Variants in FAM20C observed in about 807,000 individuals in gnomAD.
The protein encoded by FAM20C is extracellular serine/threonine protein kinase FAM20C.
Under a neutral mutation model 51.5 loss-of-function variants are expected in FAM20C, and 40 were observed. The ratio of observed to expected loss-of-function variants is 0.78; its 90% CI spans 0.60 to 1.01. FAM20C has a LOEUF of 1.01. FAM20C is among the 50% of genes least tolerant of loss of function. The probability of loss-of-function intolerance (pLI) is 0.00; values close to 1 mark genes in which losing one functional copy is unlikely to be tolerated. For missense variants in FAM20C, 861 were observed against 844.7 expected, an observed-to-expected ratio of 1.02 and a Z score of -0.24; for synonymous variants, 406 against 380.6, an observed-to-expected ratio of 1.07 and a Z score of -0.78.
intron 3 of FAM20C, among the ~76,000 whole-genome samples, chr7:219,553 C>T (rs1210463503): frequency 6.6e-6 from 1 of 152,164 alleles, no homozygotes; most frequent in Non-Finnish European, 1.5e-5. Flanking sequence ...GGAGGTGCCT[C>T]GGCTGTGGCT....
chr7:209,006 T>A (rs780806580), intron 3 of FAM20C, 30 bp downstream of exon 3: 145 of 1,561,018 alleles, frequency 9.3e-5, no homozygotes, highest in Non-Finnish European at 1.2e-4. Flanking sequence ...GGCTGGGGCG[T>A]GAGGAGCTGG....
chr7:195,417 A>T, intron 1 of FAM20C, 137 bp from the exon 2 acceptor site: 1 of 765,652 alleles, frequency 1.3e-6, no homozygotes, highest in African/African-American at 1.8e-5. Flanking sequence ...GGCCCTCTTT[A>T]AGCAGAGGCG....
intron 5 of FAM20C, among the ~76,000 whole-genome samples, chr7:249,173 C>T (rs527303617): frequency 6.7e-4 from 102 of 152,370 alleles, no homozygotes; most frequent in African/African-American, 2.3e-3. Flanking sequence ...CCTCCCCACT[C>T]GGACTTAAAC....
At position 193,321 on chromosome 7, in the gene FAM20C, C is replaced by A; in HGVS notation, c.122C>A (p.Ser41Ter). ...CTGGAGCGACGCGGCGCGCGGCCCTCGGGGGAGCCCGGCTGTTCGTGCGCG... is the reference window on the plus strand; with the variant it reads ...CTGGAGCGACGCGGCGCGCGGCCCTAGGGGGAGCCCGGCTGTTCGTGCGCG... Reference protein sequence around the residue: ...PRLERRGARPSGEPGCSCAQP... With the variant: ...PRLERRGARP Residue 41 changes from serine to a stop codon, truncating the protein, a stop_gained, in exon 1 of 10, where the codon TCG (serine) becomes TAG (stop). Transcript: ENST00000313766. LOFTEE classifies it high-confidence loss of function. 7.2e-7 allele frequency: 1 copy of A among 1,384,818 alleles called. No homozygotes were observed. The allele number at this position is 1,384,818 out of a possible 1,614,324, so 85.8% of individuals were successfully genotyped here. A position where few individuals can be genotyped will look rare whatever the true frequency, so the allele number is the denominator to read the frequency against.
intron 3 of FAM20C, among the ~76,000 whole-genome samples, chr7:212,518 G>A (rs563810227): frequency 1.6e-4 from 24 of 152,274 alleles, no homozygotes; most frequent in Admixed American, 5.2e-4. Flanking sequence ...ATCACGGCTC[G>A]GTGAGTTCCT....
intron 3 of FAM20C, among the ~76,000 whole-genome samples, chr7:210,005 G>A (rs1786628153): frequency 6.6e-6 from 1 of 152,188 alleles, no homozygotes. Flanking sequence ...TCAGACCCGG[G>A]GCTGCCGGGA....
chr7:236,108 G>A (rs916512553), intron 3 of FAM20C, among the ~76,000 whole-genome samples: 143 of 152,172 alleles, frequency 9.4e-4, no homozygotes, highest in Middle Eastern at 6.8e-3. Flanking sequence ...GTCCCCTTCC[G>A]TGCAGAGGGT....
At chr7:247,312 G>A (rs1447897532) in intron 4 of FAM20C, among the ~76,000 whole-genome samples, 2 of 152,186 alleles carry the variant, frequency 1.3e-5, no homozygotes, top group African/African-American at 2.4e-5. Context: ...CAGGTCCAGA[G>A]GGGCCCCGTG....
chr7:237,563 A>C (rs1562388951), intron 3 of FAM20C, among the ~76,000 whole-genome samples: 1 of 152,046 alleles, frequency 6.6e-6, no homozygotes, highest in African/African-American at 2.4e-5. Context: ...GGTGATGACC[A>C]TGGTAGGAGT....
At chr7:216,510 G>T (rs1377777001) in intron 3 of FAM20C, among the ~76,000 whole-genome samples, 1 of 151,840 alleles carries the variant, frequency 6.6e-6, no homozygotes, top group Admixed American at 6.6e-5. Context: ...TCTCACTGAG[G>T]AAAGGCCAGC....
chr7:253,662 G>GCTTCCTTGTGTACTTCCC (rs1554255921), intron 5 of FAM20C, among the ~76,000 whole-genome samples: 1 of 152,070 alleles, frequency 6.6e-6, no homozygotes, highest in African/African-American at 2.4e-5. Context: ...CCGCTTCCCG[G>GCTTCCTTGTGTACTTCCC]GCGAGGGGCT....
chr7:206,724 C>A (rs1786418986), intron 2 of FAM20C, among the ~76,000 whole-genome samples: 1 of 147,734 alleles, frequency 6.8e-6, no homozygotes, highest in Non-Finnish European at 1.5e-5. Context: ...TGTCATGGTC[C>A]CCTCGGCCCC....
chr7:246,334 A>C, intron 3 of FAM20C, 81 bp from the exon 4 acceptor site: 1 of 1,181,026 alleles, frequency 8.5e-7, no homozygotes. Flanking sequence ...CATATGAGGA[A>C]CCCAGCACGT....
chr7:257,196 G>C (rs1315032469), intron 8 of FAM20C, 110 bp downstream of exon 8: 16 of 1,097,636 alleles, frequency 1.5e-5, no homozygotes, highest in Non-Finnish European at 9.1e-6. Context: ...CCAGTGGAGG[G>C]ATGGGAATGT....
At chr7:208,663 T>C (rs1161837868) in intron 2 of FAM20C, among the ~76,000 whole-genome samples, 2 of 151,796 alleles carry the variant, frequency 1.3e-5, no homozygotes, top group Non-Finnish European at 2.9e-5. Flanking sequence ...GTCAGGCCCT[T>C]GGGTCTGTGG....
Position 248,850 on chromosome 7 carries a change from C to T in FAM20C, c.1072+420C>T, listed in dbSNP as rs536058793. Among the ~76,000 whole-genome samples the T allele has an allele frequency of 1.4e-4, 21 of 152,240 alleles. No individual in the cohort carries two copies. The South Asian group carries it at 1.7e-3, about 12-fold the overall frequency. On this transcript the variant is annotated intron_variant, in intron 5 of 9. Coordinates refer to ENST00000313766, the MANE Select transcript of FAM20C (RefSeq NM_020223.4). ...CTCCACGTAGCCTGGCACGGGGGCC[C>T]GCATTCATCTCTCCAGGTAGCCTGG...
chr7:232,203 G>T (rs1426932767), intron 3 of FAM20C, among the ~76,000 whole-genome samples: 1 of 152,232 alleles, frequency 6.6e-6, no homozygotes. Flanking sequence ...ATGCTTCTTG[G>T]AAAAACCTCG....
Position 195,655 on chromosome 7 carries a change from A to T in FAM20C, c.707A>T (p.Tyr236Phe). Residue 236 changes from tyrosine (Y) to phenylalanine (F), a missense_variant, in exon 2 of 10, where the codon TAC (tyrosine) becomes TTC (phenylalanine). By Grantham distance (22) the Tyr-to-Phe change is conservative. Around this residue, in one of 3 missense-constraint regions of FAM20C, gnomAD observed 561 missense variants for 499.8 expected, o/e 1.12. Coordinates refer to ENST00000313766, the MANE Select transcript of FAM20C (RefSeq NM_020223.4). Reference protein sequence around the residue: ...WLKFHIGINRYELYSRHNPAI... With the variant: ...WLKFHIGINRFELYSRHNPAI... The stretch of plus-strand genomic sequence containing the variant: ...AAGTTCCACATTGGTATCAACCGGT[A>T]CGAGCTGTACTCCAGACACAACCCG... 1.9e-6 allele frequency: 3 copies of T among 1,611,372 alleles called. No homozygotes were observed. The highest frequency in any genetic ancestry group is 2.5e-6 in the Non-Finnish European group (3 of 1,178,924).
At chr7:208,215 G>C (rs1786531143) in intron 2 of FAM20C, among the ~76,000 whole-genome samples, 1 of 152,080 alleles carries the variant, frequency 6.6e-6, no homozygotes. Context: ...GTAAATGTAG[G>C]TTGGTGTTTG....
Sources: gnomAD v4.1 joint callset for allele counts (sites outside exome capture counted in the v4.1 genomes callset) on GRCh38, gnomAD v4.1.1 for gene constraint, gnomAD v4.1.1 regional missense constraint, MANE v1.5 for transcripts, NCBI Gene and HGNC (gene_info 2026-07-23, HGNC 2026-07-21) for gene names.